The following AKAP6 variants were observed in gnomAD, a reference collection of about 807,000 sequenced individuals.
AKAP6 encodes the protein A-kinase anchoring protein 6.
In AKAP6, 58 loss-of-function variants were observed where a neutral mutation model predicts 188.5. That is an observed-to-expected ratio of 0.31 (90% CI 0.25 to 0.38). The LOEUF (loss-of-function observed/expected upper bound fraction) is 0.38, where lower values mean the gene tolerates loss of function less well. AKAP6 is among the 10% of genes least tolerant of loss of function. AKAP6 has a pLI of 1.00. For missense variants in AKAP6, 2,710 were observed against 2,740.0 expected, an observed-to-expected ratio of 0.99 and a Z score of 0.24; for synonymous variants, 989 against 998.6, an observed-to-expected ratio of 0.99 and a Z score of 0.18.
At chr14:32,682,068 T>C (rs746288388) in intron 8 of AKAP6, among the ~76,000 whole-genome samples, 12 of 152,096 alleles carry the variant, frequency 7.9e-5, no homozygotes, top group Non-Finnish European at 1.6e-4. Flanking sequence ...GTTAGAAATA[T>C]GTGTAGGGAA....
At chr14:32,682,715 A>G (rs2139652443) in intron 8 of AKAP6, among the ~76,000 whole-genome samples, 1 of 152,240 alleles carries the variant, frequency 6.6e-6, no homozygotes, top group South Asian at 2.1e-4. Flanking sequence ...AAGTAGAAAA[A>G]AGCCAGCCTG....
rs538639105 is a variant in AKAP6 at position 32,707,239 on chromosome 14, A to G, written c.3000+11129A>G. On this transcript the variant is annotated intron_variant, in intron 9 of 13. Transcript: ENST00000280979. ...ATTTGAATGAAACCAGATTCCTTGA[A>G]TCAGATATGCTATAGTCCCAAGACA... Among the ~76,000 whole-genome samples the G allele has an allele frequency of 8.4e-4, 128 of 152,254 alleles. 1 individual carries two copies. Among genetic ancestry groups the G allele is most frequent in the Non-Finnish European group, 1.4e-3 (96 of 67,994 alleles).
chr14:32,466,975 A>G (rs764634847), intron 2 of AKAP6, among the ~76,000 whole-genome samples: 1 of 151,054 alleles, frequency 6.6e-6, no homozygotes, highest in Non-Finnish European at 1.5e-5. Flanking sequence ...AAGTATAATA[A>G]TGGTATTGTG....
chr14:32,417,493 C>T (rs1378559048), intron 1 of AKAP6, among the ~76,000 whole-genome samples: 1 of 152,106 alleles, frequency 6.6e-6, no homozygotes, highest in Admixed American at 6.5e-5. Context: ...AGTAAATACA[C>T]AAGGAAGCTG....
chr14:32,594,156 G>A (rs28401565), intron 5 of AKAP6, among the ~76,000 whole-genome samples: 1 of 151,976 alleles, frequency 6.6e-6, no homozygotes, highest in South Asian at 2.1e-4. Context: ...AATTCTTACA[G>A]CTGCCTGCAA....
rs1009807972 is a variant in AKAP6, at chr14:32,834,753, CTT to C, written c.*4950_*4951del. The C allele has an allele frequency of 4.0e-4, 61 of 152,086 alleles. No homozygotes were observed. The highest frequency in any genetic ancestry group is 1.3e-3 in the African/African-American group (54 of 41,494). 9.4% of individuals were successfully genotyped at this position (152,086 alleles called of 1,614,324 possible). ...AGGTGACTTTGCATTCACAGCCACTCTTTAATGAAGATTGATTGAATAACTGA... is the reference window on the plus strand; with the variant it reads ...AGGTGACTTTGCATTCACAGCCACTCTAATGAAGATTGATTGAATAACTGA... On this transcript the variant is annotated 3_prime_UTR_variant, in exon 14 of 14. Transcript: ENST00000280979.
In AKAP6 at chr14:32,367,181, C is replaced by T. The variant is rs1594546182; in HGVS notation, c.-35+37773C>T. Among the ~76,000 whole-genome samples the T allele has an allele frequency of 2.0e-5, 3 of 152,286 alleles. No individual in the cohort carries two copies. In the East Asian group the frequency reaches 5.8e-4, roughly 29 times the overall value. On this transcript the variant is annotated intron_variant, in intron 1 of 13. Coordinates refer to ENST00000280979, the MANE Select transcript of AKAP6 (RefSeq NM_004274.5). ...CTTCAGACTTGGCAGCTGGGAATTT[C>T]TTTCTTGCTCCACTAAGTCAACAAA...
chr14:32,501,489 C>T (rs762825465), intron 2 of AKAP6, among the ~76,000 whole-genome samples: 2 of 152,128 alleles, frequency 1.3e-5, no homozygotes, highest in Non-Finnish European at 1.5e-5. Context: ...CTTCTACCCA[C>T]GTTCCATTGG....
chr14:32,531,240 A>G (rs1464068127), intron 2 of AKAP6, among the ~76,000 whole-genome samples: 2 of 152,320 alleles, frequency 1.3e-5, no homozygotes, highest in Middle Eastern at 3.4e-3. Context: ...CTTTTAAGAT[A>G]TTGTTAACCA....
At chr14:32,647,780 C>T (rs751078372) in intron 7 of AKAP6, among the ~76,000 whole-genome samples, 2 of 152,032 alleles carry the variant, frequency 1.3e-5, no homozygotes, top group Non-Finnish European at 2.9e-5. Context: ...GACATTAGGC[C>T]AACATAATTC....
intron 2 of AKAP6, among the ~76,000 whole-genome samples, chr14:32,453,758 G>A (rs1462833658): frequency 6.6e-6 from 1 of 150,396 alleles, no homozygotes; most frequent in Non-Finnish European, 1.5e-5. Context: ...CACTGCGCCC[G>A]GCTAATTTTT....
intron 1 of AKAP6, among the ~76,000 whole-genome samples, chr14:32,352,059 T>A (rs1352997266): frequency 6.7e-6 from 1 of 149,982 alleles, no homozygotes; most frequent in African/African-American, 2.5e-5. Context: ...TTTTGTGTAG[T>A]CTTGGGAGAC....
At chr14:32,673,609 C>T (rs1889309836) in intron 7 of AKAP6, among the ~76,000 whole-genome samples, 1 of 152,108 alleles carries the variant, frequency 6.6e-6, no homozygotes, top group Non-Finnish European at 1.5e-5. Flanking sequence ...GCAGCAGGCA[C>T]CTGTAATCCC....
chr14:32,732,528 A>G lies in AKAP6; in HGVS notation c.3075A>G (p.Lys1025=), dbSNP rs531037983. 26 of 1,613,538 alleles carry G rather than the reference A, an allele frequency of 1.6e-5. No homozygotes were observed. The highest frequency in any genetic ancestry group is 2.1e-5 in the Non-Finnish European group (25 of 1,179,724). The change falls in exon 10 of 14, where the codon AAA becomes AAG. Residue 1025 remains lysine, a synonymous_variant. Transcript: ENST00000280979. ...TTAGTAAGGTTGAAGCTTTGAAGAA[A>G]GGTGGCGTTTTACTACCAAATGATC... The part of the protein sequence containing the change: ...ELLSKVEALK[K]GGVLLPNDLL...
chr14:32,779,679 G>T (rs1245659995), intron 12 of AKAP6, among the ~76,000 whole-genome samples: 1 of 152,030 alleles, frequency 6.6e-6, no homozygotes, highest in East Asian at 1.9e-4. Flanking sequence ...AGCAAAAATT[G>T]ATACAACTGT....
intron 11 of AKAP6, among the ~76,000 whole-genome samples, chr14:32,771,587 T>G (rs2032899533): frequency 6.6e-6 from 1 of 152,160 alleles, no homozygotes; most frequent in African/African-American, 2.4e-5. Context: ...TTCAGAACTT[T>G]GAAAATGCCT....
intron 12 of AKAP6, among the ~76,000 whole-genome samples, chr14:32,778,532 G>C (rs10139144): frequency 0.32 from 48,796 of 151,558 alleles, 8,197 homozygotes; most frequent in Middle Eastern, 0.46. Flanking sequence ...AAAATATATG[G>C]TTTTGGGTTT....
intron 2 of AKAP6, among the ~76,000 whole-genome samples, chr14:32,455,603 C>T (rs1218973638): frequency 1.3e-5 from 2 of 152,152 alleles, no homozygotes; most frequent in East Asian, 1.9e-4. Context: ...TACTCAAAAT[C>T]CTGAGATTCT....
At chr14:32,529,708 G>A (rs1882309300) in intron 2 of AKAP6, among the ~76,000 whole-genome samples, 1 of 152,056 alleles carries the variant, frequency 6.6e-6, no homozygotes, top group Non-Finnish European at 1.5e-5. Context: ...TTTGCCATAG[G>A]GAAATCTATC....
Sources: gnomAD v4.1 joint callset for allele counts (sites outside exome capture counted in the v4.1 genomes callset) on GRCh38, gnomAD v4.1.1 for gene constraint, MANE v1.5 for transcripts, NCBI Gene and HGNC (gene_info 2026-07-23, HGNC 2026-07-21) for gene names.